The following TCERG1L variants were observed in gnomAD, a reference collection of about 807,000 sequenced individuals.
The protein encoded by TCERG1L is transcription elongation regulator 1-like protein.
In TCERG1L, 37 loss-of-function variants were observed where a neutral mutation model predicts 56.3. That is an observed-to-expected ratio of 0.66 (90% CI 0.51 to 0.87). The LOEUF is 0.87. TCERG1L is among the 40% of genes least tolerant of loss of function. TCERG1L has a pLI of 0.00. For missense variants in TCERG1L, 799 were observed against 774.2 expected (o/e 1.03, Z -0.38); for synonymous variants, 324 against 326.3 (o/e 0.99, Z 0.08).
chr10:131,115,954 G>C (rs567779766), intron 9 of TCERG1L, among the ~76,000 whole-genome samples: 7 of 152,304 alleles, frequency 4.6e-5, no homozygotes, highest in African/African-American at 1.7e-4. Flanking sequence ...GGGAGGGAGA[G>C]GAAGCAGCCT....
At chr10:131,113,627 C>T (rs1057393137) in intron 9 of TCERG1L, among the ~76,000 whole-genome samples, 1 of 142,044 alleles carries the variant, frequency 7.0e-6, no homozygotes, top group Non-Finnish European at 1.6e-5. Flanking sequence ...CCATTGCAGA[C>T]GTGGTACCAG....
intron 4 of TCERG1L, among the ~76,000 whole-genome samples, chr10:131,230,684 T>C (rs1845840915): frequency 6.6e-6 from 1 of 152,106 alleles, no homozygotes; most frequent in African/African-American, 2.4e-5. Flanking sequence ...GTGACCAAGC[T>C]CAGGGCTAGA....
intron 4 of TCERG1L, among the ~76,000 whole-genome samples, chr10:131,176,787 GAGAT>G (rs1846158632): frequency 1.6e-4 from 1 of 6,190 alleles, no homozygotes; most frequent in Admixed American, 2.0e-3. Context: ...TGGACACACA[GAGAT>G]ACACGTACAT....
chr10:131,094,283 G>A (rs1383987428), intron 11 of TCERG1L, among the ~76,000 whole-genome samples: 1 of 152,222 alleles, frequency 6.6e-6, no homozygotes, highest in Non-Finnish European at 1.5e-5. Context: ...GCCTGGCCTG[G>A]GCAGTGTGCT....
rs140803103 is a variant in TCERG1L at position 131,116,922 on chromosome 10, G to A, written c.1272C>T (p.Cys424=). 4.0e-4 allele frequency: 637 copies of A among 1,607,762 alleles called. 2 individuals are homozygous for A. The highest frequency in any genetic ancestry group is 2.8e-3 in the African/African-American group (212 of 74,938). The change falls in exon 9 of 12, where the codon TGC becomes TGT. Residue 424 remains cysteine (C), a synonymous_variant. Coordinates refer to ENST00000368642, the MANE Select transcript of TCERG1L (RefSeq NM_174937.4). ...VKTKRNRTEG[C]GSPKPEEAKR... is the part of the protein sequence containing the mutation. ...TTGCCTCCTCTGGCTTGGGACTCCC[G>A]CAGCCTTCGGTCCTTCAGGAACACA...
intron 6 of TCERG1L, among the ~76,000 whole-genome samples, chr10:131,154,107 CTG>C (rs1240769023): frequency 6.6e-6 from 1 of 152,174 alleles, no homozygotes; most frequent in African/African-American, 2.4e-5. Flanking sequence ...TTTAATCACA[CTG>C]TATAATTTCT....
intron 4 of TCERG1L, among the ~76,000 whole-genome samples, chr10:131,220,183 G>GC (rs1256650793): frequency 6.6e-6 from 1 of 152,164 alleles, no homozygotes; most frequent in Non-Finnish European, 1.5e-5. Context: ...GAAGGGGACA[G>GC]CCCCCCAACA....
chr10:131,243,770 C>T (rs1359196165), intron 4 of TCERG1L, among the ~76,000 whole-genome samples: 1 of 152,196 alleles, frequency 6.6e-6, no homozygotes, highest in Non-Finnish European at 1.5e-5. Context: ...GGCAGATGAC[C>T]TGATGCACAA....
intron 8 of TCERG1L, among the ~76,000 whole-genome samples, chr10:131,132,886 G>A (rs775631767): frequency 1.7e-4 from 26 of 152,176 alleles, no homozygotes; most frequent in Non-Finnish European, 3.2e-4. Context: ...GCCCTGCCAC[G>A]TGCGGCCCTA....
At position 131,118,488 on chromosome 10, in the gene TCERG1L, G is replaced by A. The variant is rs1204240686; in HGVS notation, c.1260-1554C>T. ...CTCACCTTTGCATTGCCCAATGTGAGCAACGGTCCTGCTAAACTGATTAGC... is the reference window on the plus strand; with the variant it reads ...CTCACCTTTGCATTGCCCAATGTGAACAACGGTCCTGCTAAACTGATTAGC... On this transcript the variant is annotated intron_variant, in intron 8 of 11. Coordinates refer to ENST00000368642, the MANE Select transcript of TCERG1L (RefSeq NM_174937.4). The surrounding 1 kb of genome is among the most constrained non-coding windows in gnomAD (Gnocchi z 4.2). Among the ~76,000 whole-genome samples the A allele has an allele frequency of 6.6e-6, 1 of 152,138 alleles. No homozygotes were observed. Among genetic ancestry groups the A allele is most frequent in the Non-Finnish European group, 1.5e-5 (1 of 68,030 alleles).
intron 4 of TCERG1L, among the ~76,000 whole-genome samples, chr10:131,186,222 A>G (rs1469246143): frequency 6.6e-6 from 1 of 152,182 alleles, no homozygotes; most frequent in Non-Finnish European, 1.5e-5. Flanking sequence ...ACTGGGGAGA[A>G]ACTGATTAAC....
intron 4 of TCERG1L, among the ~76,000 whole-genome samples, chr10:131,202,252 T>C (rs971144821): frequency 3.3e-5 from 5 of 152,292 alleles, no homozygotes; most frequent in South Asian, 2.1e-4. Flanking sequence ...GGTATGCGCA[T>C]GTCTGCACCG....
intron 4 of TCERG1L, among the ~76,000 whole-genome samples, chr10:131,214,429 C>A (rs1312940149): frequency 6.6e-6 from 1 of 152,208 alleles, no homozygotes; most frequent in Non-Finnish European, 1.5e-5. Context: ...TCTTGATTAG[C>A]AAGCCTACCC....
At chr10:131,248,507 T>C (rs1423864135) in intron 4 of TCERG1L, among the ~76,000 whole-genome samples, 1 of 152,120 alleles carries the variant, frequency 6.6e-6, no homozygotes, top group Non-Finnish European at 1.5e-5. Context: ...CAGCCACACC[T>C]GGTGCCCAGT....
chr10:131,125,785 A>G (rs1345474018), intron 8 of TCERG1L, among the ~76,000 whole-genome samples: 5 of 152,232 alleles, frequency 3.3e-5, no homozygotes, highest in African/African-American at 4.8e-5. Flanking sequence ...CATGGCCACC[A>G]GCAAAACCCT....
At chr10:131,105,516 T>A (rs6482849) in intron 9 of TCERG1L, among the ~76,000 whole-genome samples, 16,520 of 152,238 alleles carry the variant, frequency 0.11, 992 homozygotes, top group East Asian at 0.18. Context: ...GACTCATGGA[T>A]ATTTAGCCCA....
chr10:131,271,686 C>CCAGGA (rs1846340896), intron 3 of TCERG1L, among the ~76,000 whole-genome samples: 1 of 152,314 alleles, frequency 6.6e-6, no homozygotes, highest in South Asian at 2.1e-4. Flanking sequence ...AGGAGGAAGG[C>CCAGGA]CAGGACAGAT....
chr10:131,252,140 T>G (rs1358681528), intron 4 of TCERG1L, among the ~76,000 whole-genome samples: 1 of 152,210 alleles, frequency 6.6e-6, no homozygotes, highest in Non-Finnish European at 1.5e-5. Context: ...ATGCCACATT[T>G]TCTTTATCTA....
intron 4 of TCERG1L, among the ~76,000 whole-genome samples, chr10:131,189,772 T>C (rs1041649995): frequency 1.3e-5 from 2 of 152,176 alleles, no homozygotes; most frequent in African/African-American, 2.4e-5. Context: ...TTCATAGAGG[T>C]TGTACTAATT....
Sources: gnomAD v4.1 joint callset for allele counts (sites outside exome capture counted in the v4.1 genomes callset) on GRCh38, gnomAD v4.1.1 for gene constraint, Gnocchi (gnomAD v3.1) non-coding constraint, MANE v1.5 for transcripts, NCBI Gene and HGNC (gene_info 2026-07-23, HGNC 2026-07-21) for gene names.